The following WWP2 variants were observed in gnomAD, a reference collection of about 807,000 sequenced individuals.
WWP2 encodes NEDD4-like E3 ubiquitin-protein ligase WWP2.
WWP2 carries 57 observed loss-of-function variants against 121.0 expected under a neutral mutation model. The ratio of observed to expected loss-of-function variants is 0.47; its 90% CI spans 0.38 to 0.59. WWP2 has a LOEUF of 0.59. Ranked by LOEUF, WWP2 falls within the 20% of genes least tolerant of loss-of-function variation. WWP2 has a pLI of 0.00. For synonymous variants in WWP2, 449 were observed against 441.3 expected, an observed-to-expected ratio of 1.02 and a Z score of -0.22; for missense variants, 962 against 1,158.9, an observed-to-expected ratio of 0.83 and a Z score of 2.47.
rs143713702 is a variant in WWP2 at position 69,781,372 on chromosome 16, G to A, written c.-15-5624G>A. On this transcript the variant is annotated intron_variant, in intron 1 of 23. Transcript: ENST00000359154. ...TTTTTGTTTTTGTTTTTCAAACAGGGTCTCACTGTGTCACCCAGGCTGGAG... is the reference window on the plus strand; with the variant it reads ...TTTTTGTTTTTGTTTTTCAAACAGGATCTCACTGTGTCACCCAGGCTGGAG... Among the ~76,000 whole-genome samples, 165 of 152,188 alleles carry A rather than the reference G, an allele frequency of 1.1e-3. 2 individuals are homozygous for A. The East Asian group carries it at 0.023, about 22-fold the overall frequency.
In WWP2 at chr16:69,882,508, A is replaced by G. The variant is rs545718379; in HGVS notation, c.704-5531A>G. On this transcript the variant is annotated intron_variant, in intron 7 of 23. Transcript: ENST00000359154. Reference sequence around the variant, plus strand: ...GCATATAAGATAAGGCCTCTGCCCTATGATCTTGTTCCAGAAAAGAAGTTG... The same window carrying G: ...GCATATAAGATAAGGCCTCTGCCCTGTGATCTTGTTCCAGAAAAGAAGTTG... Among the ~76,000 whole-genome samples, 125 of 152,362 alleles carry G rather than the reference A, an allele frequency of 8.2e-4. 4 individuals carry two copies. The South Asian group carries it at 0.025, about 30-fold the overall frequency.
At chr16:69,838,039 A>G (rs943586796) in intron 4 of WWP2, among the ~76,000 whole-genome samples, 2 of 152,184 alleles carry the variant, frequency 1.3e-5, no homozygotes, top group Admixed American at 1.3e-4. Context: ...CCTGGGCAAC[A>G]TAGTGAACCA....
At chr16:69,934,421 T>C (rs1242220985) in intron 17 of WWP2, among the ~76,000 whole-genome samples, 1 of 151,558 alleles carries the variant, frequency 6.6e-6, no homozygotes, top group African/African-American at 2.4e-5. Flanking sequence ...GCTTTCTCAG[T>C]GGCTGCCCTG....
intron 1 of WWP2, among the ~76,000 whole-genome samples, chr16:69,766,809 A>G (rs1158089704): frequency 6.6e-6 from 1 of 152,078 alleles, no homozygotes; most frequent in Non-Finnish European, 1.5e-5. Flanking sequence ...GCTGGAGTGC[A>G]ATGGTACGAT....
chr16:69,923,307 T>C (rs1298374284), intron 10 of WWP2, among the ~76,000 whole-genome samples: 1 of 18,456 alleles, frequency 5.4e-5, no homozygotes, highest in South Asian at 3.1e-3. Context: ...TATAGGTGTG[T>C]GTGTTGGGGG....
At chr16:69,860,603 TG>T (rs1446131021) in intron 6 of WWP2, among the ~76,000 whole-genome samples, 1 of 152,112 alleles carries the variant, frequency 6.6e-6, no homozygotes, top group Non-Finnish European at 1.5e-5. Flanking sequence ...GACTCTCCCT[TG>T]GTAGGGGTCT....
intron 7 of WWP2, among the ~76,000 whole-genome samples, chr16:69,873,378 T>A (rs2057677465): frequency 6.6e-6 from 1 of 152,148 alleles, no homozygotes; most frequent in Non-Finnish European, 1.5e-5. Flanking sequence ...GCACTGTGAG[T>A]GCAGTGGCCT....
chr16:69,778,719 G>A (rs1025617687), intron 1 of WWP2, among the ~76,000 whole-genome samples: 13 of 151,822 alleles, frequency 8.6e-5, no homozygotes, highest in African/African-American at 3.1e-4. Context: ...TCGGCTCACT[G>A]CAACGTCCAC....
Position 69,935,891 on chromosome 16 carries a change from C to G in WWP2, c.1881C>G (p.Thr627=), listed in dbSNP as rs752869572. The G allele has an allele frequency of 6.2e-7, 1 of 1,614,026 alleles. No homozygotes were observed. The highest frequency in any genetic ancestry group is 1.7e-5 in the Admixed American group (1 of 60,008). Residue 627 remains threonine (T), a synonymous_variant, in exon 18 of 24, where the codon ACC becomes ACG. Transcript: ENST00000359154. The surrounding 1 kb of genome is among the most constrained non-coding windows in gnomAD (Gnocchi z 5.2). The stretch of plus-strand genomic sequence containing the variant: ...GAAAGTTCATCGACACGGGCTTCAC[C>G]CTCCCTTTCTACAAGCGGATGCTCA... ...YHGKFIDTGF[T]LPFYKRMLNK...
chr16:69,768,819 C>T (rs757456341), intron 1 of WWP2, among the ~76,000 whole-genome samples: 5 of 152,108 alleles, frequency 3.3e-5, no homozygotes, highest in East Asian at 1.9e-4. Flanking sequence ...TCTCTTTTTC[C>T]GTGCTTAGTC....
intron 6 of WWP2, among the ~76,000 whole-genome samples, chr16:69,866,018 G>A (rs2057514505): frequency 6.6e-6 from 1 of 152,196 alleles, no homozygotes; most frequent in Non-Finnish European, 1.5e-5. Context: ...GGTGGCTAGG[G>A]AAGGAGGGGG....
chr16:69,874,450 C>CT (rs1349365937), intron 7 of WWP2, among the ~76,000 whole-genome samples: 1 of 152,280 alleles, frequency 6.6e-6, no homozygotes, highest in South Asian at 2.1e-4. Context: ...ATTTAGCAGC[C>CT]TTTTTTGGCT....
At chr16:69,835,678 G>C (rs1160766530) in intron 4 of WWP2, among the ~76,000 whole-genome samples, 1 of 152,048 alleles carries the variant, frequency 6.6e-6, no homozygotes, top group Middle Eastern at 3.2e-3. Context: ...CAGATATCAT[G>C]ACACTTTAAT....
chr16:69,873,715 G>C (rs1275269929), intron 7 of WWP2, among the ~76,000 whole-genome samples: 1 of 152,158 alleles, frequency 6.6e-6, no homozygotes, highest in African/African-American at 2.4e-5. Flanking sequence ...TGGGGATGGG[G>C]GACTGGCTTT....
At chr16:69,939,276 C>A in intron 22 of WWP2, 65 bp from the exon 23 acceptor site, 1 of 1,601,508 alleles carries the variant, frequency 6.2e-7, no homozygotes, top group Non-Finnish European at 8.6e-7. Flanking sequence ...TGGGTGGAGC[C>A]GGAGGATCCT....
In WWP2 at chr16:69,935,407, G is replaced by A. The variant is rs574506385; in HGVS notation, c.1843-446G>A. Among the ~76,000 whole-genome samples the A allele has an allele frequency of 3.3e-5, 5 of 152,312 alleles. No homozygotes were observed. Among genetic ancestry groups the A allele is most frequent in the South Asian group, 2.1e-4 (1 of 4,824 alleles). ...CCTAGACTATTACTCACCATTGGCC[G>A]CCAGCTCTCGCTGTCGGCGGTGTCT... On this transcript the variant is annotated intron_variant, in intron 17 of 23. Coordinates refer to ENST00000359154, the MANE Select transcript of WWP2 (RefSeq NM_001270454.2). This position sits in a 1 kb window ranked among gnomAD's most constrained non-coding sequence, Gnocchi z 5.2.
chr16:69,779,718 G>A (rs1325606501), intron 1 of WWP2, among the ~76,000 whole-genome samples: 2 of 152,122 alleles, frequency 1.3e-5, no homozygotes, highest in African/African-American at 4.8e-5. Context: ...AGTCCCAATA[G>A]AAGTAAAGAT....
intron 7 of WWP2, among the ~76,000 whole-genome samples, chr16:69,886,417 C>G (rs2057925742): frequency 6.6e-6 from 1 of 151,728 alleles, no homozygotes; most frequent in Admixed American, 6.6e-5. Flanking sequence ...GATGGGGAGA[C>G]TCAGACCAGG....
chr16:69,931,935 C>A lies in WWP2; in HGVS notation c.1682+45C>A, dbSNP rs1308565347. ...AAGGCTGCCCTGTACCCCGCTTCCC[C>A]AGGCTACAGCATCAATGGCCAGAAA... On this transcript the variant is annotated intron_variant, in intron 16 of 23. Transcript: ENST00000359154. 2.6e-6 allele frequency: 4 copies of A among 1,553,658 alleles called. No individual in the cohort carries two copies. The South Asian group carries it at 4.6e-5, about 18-fold the overall frequency.
Sources: gnomAD v4.1 joint callset for allele counts (sites outside exome capture counted in the v4.1 genomes callset) on GRCh38, gnomAD v4.1.1 for gene constraint, Gnocchi (gnomAD v3.1) non-coding constraint, MANE v1.5 for transcripts, NCBI Gene and HGNC (gene_info 2026-07-23, HGNC 2026-07-21) for gene names.